Variants in TNIK observed in about 807,000 individuals in gnomAD.
TNIK encodes TRAF2 and NCK-interacting protein kinase.
TNIK carries 49 observed loss-of-function variants against 191.3 expected under a neutral mutation model. The ratio of observed to expected loss-of-function variants is 0.26; its 90% CI spans 0.20 to 0.32. TNIK has a LOEUF of 0.32. TNIK is among the 10% of genes least tolerant of loss of function. The probability of loss-of-function intolerance (pLI) is 1.00; values close to 1 mark genes in which losing one functional copy is unlikely to be tolerated. For missense variants in TNIK, 1,155 were observed against 1,702.3 expected (o/e 0.68, Z 5.66); for synonymous variants, 594 against 600.9 (o/e 0.99, Z 0.17).
chr3:171,169,558 G>A (rs1306044185), intron 9 of TNIK, among the ~76,000 whole-genome samples: 2 of 152,134 alleles, frequency 1.3e-5, no homozygotes, highest in African/African-American at 2.4e-5. Context: ...ATGGGCCACC[G>A]CACCTGCCAG....
In TNIK at chr3:171,084,315, A is replaced by G; in HGVS notation, c.3009T>C (p.Thr1003=). 1 of 1,612,290 alleles carries G rather than the reference A, an allele frequency of 6.2e-7. No individual in the cohort carries two copies. Among genetic ancestry groups the G allele is most frequent in the South Asian group, 1.1e-5 (1 of 90,838 alleles). Residue 1003 remains threonine (T), a synonymous_variant, in exon 26 of 33, where the codon ACT becomes ACC. Transcript: ENST00000436636. The part of the protein sequence containing the change: ...DEESSAAALF[T]SELLRQEQAK... ...CCTGTTCTTGCCTAAGAAGTTCGCT[A>G]GTAAACAGAGCTTTGAGAAAAAGAA...
rs1405032381 is a variant in TNIK, at chr3:171,159,401, TA to T, written c.1017-1738del. Among the ~76,000 whole-genome samples, 127 of 37,704 alleles carry T rather than the reference TA, an allele frequency of 3.4e-3. 1 individual carries two copies. The highest frequency in any genetic ancestry group is 0.028 in the Middle Eastern group (1 of 36). 24.7% of individuals were successfully genotyped at this position (37,704 alleles called of 152,430 possible). On this transcript the variant is annotated intron_variant, in intron 11 of 32. Transcript: ENST00000436636. The surrounding 1 kb of genome is among the most constrained non-coding windows in gnomAD (Gnocchi z 4.1). ...AGGACCAAGGATCGGTTTTGGAGAG[TA>T]GTTAGTGTGCTGTGTGAGATACTGC... is the stretch of plus-strand genomic sequence containing the variant.
chr3:171,278,488 TA>T (rs932562161), intron 2 of TNIK, among the ~76,000 whole-genome samples: 170 of 152,018 alleles, frequency 1.1e-3, no homozygotes, highest in African/African-American at 3.8e-3. Flanking sequence ...TTAAAAAAGA[TA>T]AAAAAAATTT....
At chr3:171,072,773 G>A (rs1719367096) in intron 28 of TNIK, among the ~76,000 whole-genome samples, 1 of 151,752 alleles carries the variant, frequency 6.6e-6, no homozygotes, top group Non-Finnish European at 1.5e-5. Flanking sequence ...TAATGCTCAA[G>A]CTGAGAATCA....
At chr3:171,146,201 C>G (rs547586331) in intron 12 of TNIK, among the ~76,000 whole-genome samples, 1 of 152,194 alleles carries the variant, frequency 6.6e-6, no homozygotes. Context: ...GCACTGACCC[C>G]GCTCCTGCCT....
rs907749422 is a variant in TNIK at position 171,153,675 on chromosome 3, G to C, written c.1221+3785C>G. 2.0e-5 allele frequency among the ~76,000 whole-genome samples: 3 copies of C among 152,300 alleles called. No homozygotes were observed. In the South Asian group the frequency reaches 6.2e-4, roughly 32 times the overall value. On this transcript the variant is annotated intron_variant, in intron 12 of 32. Coordinates refer to ENST00000436636, the MANE Select transcript of TNIK (RefSeq NM_015028.4). ...GCAGATCTGATTCTGTTCCCTTAGT[G>C]AAGACACATCAATGGTTTCCCACTC... is the stretch of plus-strand genomic sequence containing the variant.
At chr3:171,110,455 G>A (rs1246734886) in intron 19 of TNIK, among the ~76,000 whole-genome samples, 1 of 152,180 alleles carries the variant, frequency 6.6e-6, no homozygotes, top group African/African-American at 2.4e-5. Flanking sequence ...TTTCAAATAA[G>A]ACTGATATTT....
At chr3:171,188,897 T>C (rs1737687384) in intron 6 of TNIK, 65 bp from the exon 7 acceptor site, 2 of 1,561,364 alleles carry the variant, frequency 1.3e-6, no homozygotes, top group Admixed American at 3.6e-5. Context: ...ATAAAATGAA[T>C]GTGAATTATT....
At position 171,333,207 on chromosome 3, in the gene TNIK, T is replaced by C. The variant is rs1463007678; in HGVS notation, c.123+36413A>G. 4.6e-5 allele frequency among the ~76,000 whole-genome samples: 7 copies of C among 151,952 alleles called. No homozygotes were observed. In the East Asian group the frequency reaches 1.4e-3, roughly 29 times the overall value. ...CTCTTTTTAATTTTAAATATGAATATTTTGGAACTTTTACATAAAGTCTAG... is the reference window on the plus strand; with the variant it reads ...CTCTTTTTAATTTTAAATATGAATACTTTGGAACTTTTACATAAAGTCTAG... On this transcript the variant is annotated intron_variant, in intron 2 of 32. Transcript: ENST00000436636.
chr3:171,372,346 C>A (rs535995129), intron 1 of TNIK, among the ~76,000 whole-genome samples: 8 of 152,292 alleles, frequency 5.3e-5, no homozygotes, highest in Admixed American at 4.6e-4. Context: ...CATAGGCAAC[C>A]AAACTGGAAA....
intron 18 of TNIK, among the ~76,000 whole-genome samples, chr3:171,123,323 G>C (rs1728014544): frequency 6.6e-6 from 1 of 152,194 alleles, no homozygotes; most frequent in Non-Finnish European, 1.5e-5. Flanking sequence ...TTTACTCTCA[G>C]ATTTTAAAAA....
At position 171,108,084 on chromosome 3, in the gene TNIK, G is replaced by T. The variant is rs978172693; in HGVS notation, c.2363C>A (p.Thr788Asn). The change falls in exon 20 of 33, where the codon ACC becomes AAC. Residue 788 changes from threonine (T) to asparagine (N), a missense_variant. Physicochemically the swap from Thr to Asn is moderately conservative, Grantham distance 65. Transcript: ENST00000436636. ...KVKPEESRDI[T>N]RPSRPASYKK... ...ACTCACAGCTGGTCGACTGGGCCGG[G>T]TAATGTCCCTGGATTCTTCTGGTTT... The T allele has an allele frequency of 2.5e-6, 4 of 1,570,326 alleles. No individual in the cohort carries two copies. The highest frequency in any genetic ancestry group is 2.3e-5 in the East Asian group (1 of 42,760).
At chr3:171,292,160 T>C (rs1751759439) in intron 2 of TNIK, among the ~76,000 whole-genome samples, 1 of 152,250 alleles carries the variant, frequency 6.6e-6, no homozygotes, top group Non-Finnish European at 1.5e-5. Context: ...ATCTCAATTA[T>C]AAGAGTTGCT....
intron 2 of TNIK, among the ~76,000 whole-genome samples, chr3:171,333,875 T>C (rs1756679230): frequency 1.3e-5 from 2 of 152,328 alleles, no homozygotes; most frequent in African/African-American, 4.8e-5. Context: ...GCAGTTTTTT[T>C]CTCCAACTGC....
intron 2 of TNIK, among the ~76,000 whole-genome samples, chr3:171,311,609 C>G (rs571763380): frequency 1.3e-5 from 2 of 152,282 alleles, no homozygotes; most frequent in East Asian, 1.9e-4. Context: ...TGGGTTGCCA[C>G]CTGGAAGTAA....
At chr3:171,433,089 G>A (rs891667132) in intron 1 of TNIK, among the ~76,000 whole-genome samples, 2 of 152,024 alleles carry the variant, frequency 1.3e-5, no homozygotes, top group African/African-American at 4.8e-5. Flanking sequence ...TTATGTAATG[G>A]GGACATTAAA....
intron 15 of TNIK, among the ~76,000 whole-genome samples, chr3:171,135,811 G>A (rs1371942206): frequency 1.3e-5 from 2 of 152,154 alleles, no homozygotes; most frequent in Non-Finnish European, 2.9e-5. Flanking sequence ...TTTACTGCTA[G>A]GAGCCTGACC....
At chr3:171,272,164 G>C (rs1749184039) in intron 2 of TNIK, among the ~76,000 whole-genome samples, 1 of 152,180 alleles carries the variant, frequency 6.6e-6, no homozygotes, top group Non-Finnish European at 1.5e-5. Context: ...GCAAACACAT[G>C]CATCACTTAC....
chr3:171,137,718 T>C (rs1011736704), intron 15 of TNIK, among the ~76,000 whole-genome samples: 15 of 152,340 alleles, frequency 9.8e-5, no homozygotes, highest in African/African-American at 3.4e-4. Flanking sequence ...TGAGGTCAAC[T>C]GTGCATCTGC....
Sources: gnomAD v4.1 joint callset for allele counts (sites outside exome capture counted in the v4.1 genomes callset) on GRCh38, gnomAD v4.1.1 for gene constraint, Gnocchi (gnomAD v3.1) non-coding constraint, MANE v1.5 for transcripts, NCBI Gene and HGNC (gene_info 2026-07-23, HGNC 2026-07-21) for gene names.